Variants in CSMD3 observed in about 807,000 individuals in gnomAD.
CSMD3 encodes CUB and Sushi multiple domains 3, also known as CUB and sushi domain-containing protein 3.
A neutral mutation model predicts 435.2 loss-of-function variants in CSMD3; 177 were observed. The ratio of observed to expected loss-of-function variants is 0.41; its 90% confidence interval spans 0.36 to 0.46. CSMD3 has a LOEUF of 0.46. Among genes scored for constraint, CSMD3 ranks in the 20% least tolerant of loss-of-function variants. The pLI is 0.34. For missense variants in CSMD3, 4,265 were observed against 4,504.6 expected (o/e 0.95, Z 1.52); for synonymous variants, 1,656 against 1,520.5 (o/e 1.09, Z -2.07).
chr8:113,325,348 A>G (rs982988908), intron 1 of CSMD3, among the ~76,000 whole-genome samples: 6 of 152,178 alleles, frequency 3.9e-5, no homozygotes, highest in Admixed American at 2.0e-4. Flanking sequence ...ATGGGGACCC[A>G]TGCTGTTCTC....
At chr8:112,973,943 C>T (rs1041456553) in intron 7 of CSMD3, among the ~76,000 whole-genome samples, 1 of 151,830 alleles carries the variant, frequency 6.6e-6, no homozygotes, top group Non-Finnish European at 1.5e-5. Flanking sequence ...TAATGTTTTA[C>T]ATCTACTTTG....
intron 13 of CSMD3, among the ~76,000 whole-genome samples, chr8:112,797,756 A>G (rs1250592211): frequency 6.6e-6 from 1 of 151,848 alleles, no homozygotes; most frequent in Non-Finnish European, 1.5e-5. Flanking sequence ...CAAAATTTGT[A>G]ACTTCTCAAC....
chr8:112,949,227 G>A (rs1455134318), intron 8 of CSMD3, among the ~76,000 whole-genome samples: 1 of 151,974 alleles, frequency 6.6e-6, no homozygotes, highest in Non-Finnish European at 1.5e-5. Context: ...TGGTAAAGTT[G>A]TCGTTTTCTA....
rs1373675555 is a variant in CSMD3 at position 113,018,930 on chromosome 8, A to T, written c.1030+137T>A. On this transcript the variant is annotated intron_variant, in intron 6 of 70. Transcript: ENST00000297405. ...TTAGTTATGATCACATTATTGTCTC[A>T]GCAACAGCATGACCATTTTTTTCAA... 1.2e-5 allele frequency: 8 copies of T among 695,174 alleles called. No homozygotes were observed. In the Admixed American group the frequency reaches 1.7e-4, roughly 15 times the overall value. 43.1% of individuals were successfully genotyped at this position (695,174 alleles called of 1,614,324 possible).
chr8:113,377,736 T>C (rs2094395008), intron 1 of CSMD3, among the ~76,000 whole-genome samples: 1 of 152,330 alleles, frequency 6.6e-6, no homozygotes, highest in African/African-American at 2.4e-5. Context: ...TTGAGATCTG[T>C]ATTGGGGTTC....
chr8:112,831,630 T>C (rs62516544), intron 11 of CSMD3, among the ~76,000 whole-genome samples: 76,480 of 150,638 alleles, frequency 0.51, 19,899 homozygotes, highest in East Asian at 0.76. Context: ...ATATCATTTA[T>C]ATTTCCTTTT....
At chr8:113,024,567 T>C (rs2086803865) in intron 5 of CSMD3, among the ~76,000 whole-genome samples, 1 of 152,154 alleles carries the variant, frequency 6.6e-6, no homozygotes, top group Non-Finnish European at 1.5e-5. Flanking sequence ...ATATATATTC[T>C]TGTCAACACT....
At chr8:113,341,845 C>T (rs745448471) in intron 1 of CSMD3, among the ~76,000 whole-genome samples, 18 of 152,114 alleles carry the variant, frequency 1.2e-4, no homozygotes, top group Non-Finnish European at 2.2e-4. Flanking sequence ...ACACTTCCAA[C>T]TTTACTGCTC....
chr8:112,735,966 A>C (rs574267991), intron 13 of CSMD3, among the ~76,000 whole-genome samples: 1 of 152,128 alleles, frequency 6.6e-6, no homozygotes, highest in East Asian at 1.9e-4. Context: ...GAATCATGTT[A>C]GGTAGAAAAC....
intron 1 of CSMD3, among the ~76,000 whole-genome samples, chr8:113,315,480 G>A (rs2093902271): frequency 2.6e-5 from 4 of 151,626 alleles, no homozygotes; most frequent in Non-Finnish European, 5.9e-5. Context: ...AAGAACTTCT[G>A]TATTTGTTCC....
At chr8:112,778,308 C>T (rs558963560) in intron 13 of CSMD3, among the ~76,000 whole-genome samples, 2 of 152,038 alleles carry the variant, frequency 1.3e-5, no homozygotes, top group South Asian at 4.1e-4. Context: ...CATGTATCTA[C>T]TATTGTCATA....
At chr8:112,346,241 A>G in intron 40 of CSMD3, 28 bp from the exon 41 acceptor site, 1 of 1,270,358 alleles carries the variant, frequency 7.9e-7, no homozygotes, top group Non-Finnish European at 1.2e-6. Flanking sequence ...TCCAAAGTAA[A>G]CCAGAGTAGA....
chr8:112,633,750 T>C (rs1303931140), intron 22 of CSMD3, among the ~76,000 whole-genome samples: 3 of 152,022 alleles, frequency 2.0e-5, no homozygotes, highest in African/African-American at 7.2e-5. Context: ...ATAAATAAAA[T>C]GTAAAGTAAG....
chr8:112,522,219 GA>G (rs1372167732), intron 27 of CSMD3, among the ~76,000 whole-genome samples: 1 of 151,662 alleles, frequency 6.6e-6, no homozygotes, highest in African/African-American at 2.4e-5. Context: ...CCCCGAATGT[GA>G]AAAAAGATAG....
chr8:112,405,606 C>T (rs1196219419), intron 35 of CSMD3, among the ~76,000 whole-genome samples: 3 of 151,656 alleles, frequency 2.0e-5, no homozygotes, highest in Non-Finnish European at 4.4e-5. Flanking sequence ...GCAAAAACAA[C>T]TTCGAAACAA....
chr8:112,357,437 GAA>G (rs1436644518), intron 38 of CSMD3, among the ~76,000 whole-genome samples: 1 of 152,210 alleles, frequency 6.6e-6, no homozygotes, highest in East Asian at 1.9e-4. Flanking sequence ...TGATAGAAAA[GAA>G]AATCCCATTT....
At chr8:112,748,080 C>G (rs2077482130) in intron 13 of CSMD3, among the ~76,000 whole-genome samples, 1 of 151,946 alleles carries the variant, frequency 6.6e-6, no homozygotes, top group Non-Finnish European at 1.5e-5. Context: ...TTCCCACAGC[C>G]CTAGCTTTGG....
intron 1 of CSMD3, among the ~76,000 whole-genome samples, chr8:113,425,078 G>A (rs2129992848): frequency 6.6e-6 from 1 of 151,540 alleles, no homozygotes; most frequent in Admixed American, 6.6e-5. Context: ...GATACATACT[G>A]GTTCTCAATA....
At position 112,337,648 on chromosome 8, in the gene CSMD3, T is replaced by C; in HGVS notation, c.6736A>G (p.Ile2246Val). The change falls in exon 43 of 71, where the codon ATT becomes GTT. Residue 2246 changes from isoleucine to valine, a missense_variant. This residue lies in a region of CSMD3 where 3,255 missense variants were observed against 3,380.2 expected (regional missense o/e 0.96). Transcript: ENST00000297405. Reference sequence around the variant, plus strand: ...TATCCTGGGAAACATTCAAATGAAATGGTTTGACCCACAGTAAAATCATTA... The same window carrying C: ...TATCCTGGGAAACATTCAAATGAAACGGTTTGACCCACAGTAAAATCATTA... Reference protein sequence around the residue: ...IGNDFTVGQTISFECFPGYTL... With the variant: ...IGNDFTVGQTVSFECFPGYTL... 6.2e-7 allele frequency: 1 copy of C among 1,613,600 alleles called. No homozygotes were observed. Among genetic ancestry groups the C allele is most frequent in the Non-Finnish European group, 8.5e-7 (1 of 1,179,530 alleles).
Sources: gnomAD v4.1 joint callset for allele counts (sites outside exome capture counted in the v4.1 genomes callset) on GRCh38, gnomAD v4.1.1 for gene constraint, gnomAD v4.1.1 regional missense constraint, MANE v1.5 for transcripts, NCBI Gene and HGNC (gene_info 2026-07-23, HGNC 2026-07-21) for gene names.